AFDN: variants seen among roughly 807,000 people sequenced by gnomAD.
The protein encoded by AFDN is afadin.
AFDN carries 68 observed loss-of-function variants against 216.6 expected under a neutral mutation model. That is an observed-to-expected ratio of 0.31 (90% CI 0.26 to 0.38). The LOEUF (loss-of-function observed/expected upper bound fraction) is 0.38, where lower values mean the gene tolerates loss of function less well. Ranked by LOEUF, AFDN falls within the 10% of genes least tolerant of loss-of-function variation. The probability of loss-of-function intolerance (pLI) is 1.00; values close to 1 mark genes in which losing one functional copy is unlikely to be tolerated. For synonymous variants in AFDN, 868 were observed against 853.7 expected, an observed-to-expected ratio of 1.02 and a Z score of -0.29; for missense variants, 2,136 against 2,342.0, an observed-to-expected ratio of 0.91 and a Z score of 1.82.
At chr6:167,918,156 A>G (rs1243852581) in intron 20 of AFDN, among the ~76,000 whole-genome samples, 1 of 152,308 alleles carries the variant, frequency 6.6e-6, no homozygotes, top group Middle Eastern at 3.4e-3. Flanking sequence ...CATCTTTTTG[A>G]TCTGTACAGT....
rs186905026 is a variant in AFDN, at chr6:167,912,028, C to T, written c.2037+539C>T. The T allele has an allele frequency of 3.7e-3, 584 of 159,656 alleles. 6 individuals carry two copies. The highest frequency in any genetic ancestry group is 3.0e-3 in the Non-Finnish European group (219 of 72,030). 9.9% of individuals were successfully genotyped at this position (159,656 alleles called of 1,614,324 possible). A position where few individuals can be genotyped will look rare whatever the true frequency, so the allele number is the denominator to read the frequency against. ...CTTGCTCCTGTGTAATGAGCCTAGA[C>T]GTTGGTAGTAATTGGGCTTTTTGAT... is the stretch of plus-strand genomic sequence containing the variant. On this transcript the variant is annotated intron_variant, in intron 15 of 33. Coordinates refer to ENST00000683244, the MANE Select transcript of AFDN (RefSeq NM_001386888.1).
rs137895559 is a variant in AFDN, at chr6:167,919,041, G to A, written c.2908+108G>A. ...TCCACTTGTGTGGGAGTGCACCCTC[G>A]TGCTGTCTGGAGAAGTCCGTGTTCC... On this transcript the variant is annotated intron_variant, in intron 21 of 33. Coordinates refer to ENST00000683244, the MANE Select transcript of AFDN (RefSeq NM_001386888.1). The A allele has an allele frequency of 6.3e-4, 582 of 918,050 alleles. 6 individuals carry two copies. The African/African-American group carries it at 7.4e-3, about 12-fold the overall frequency. 56.9% of individuals were successfully genotyped at this position (918,050 alleles called of 1,614,324 possible). A position where few individuals can be genotyped will look rare whatever the true frequency, so the allele number is the denominator to read the frequency against.
At chr6:167,859,917 C>T (rs1408697802) in intron 1 of AFDN, among the ~76,000 whole-genome samples, 1 of 151,628 alleles carries the variant, frequency 6.6e-6, no homozygotes, top group Non-Finnish European at 1.5e-5. Context: ...AAGTGTGTAT[C>T]AAGGTAAATG....
Position 167,918,868 on chromosome 6 carries a change from C to G in AFDN, c.2843C>G (p.Ser948Cys). 2 of 1,613,700 alleles carry G rather than the reference C, an allele frequency of 1.2e-6. No individual in the cohort carries two copies. The highest frequency in any genetic ancestry group is 4.5e-5 in the East Asian group (2 of 44,884). Residue 948 changes from serine (S) to cysteine (C), a missense_variant, in exon 21 of 34, where the codon TCT (serine) becomes TGT (cysteine). By Grantham distance (112) the Ser-to-Cys change is moderately radical (BLOSUM62 -1). Around this residue, in one of 8 missense-constraint regions of AFDN, gnomAD observed 162 missense variants for 182.6 expected, o/e 0.89. Coordinates refer to ENST00000683244, the MANE Select transcript of AFDN (RefSeq NM_001386888.1). ...LPFLLPEDGY[S>C]CDVVRNIPNG... The stretch of plus-strand genomic sequence containing the variant: ...TTTCTTTTGCCAGAAGATGGTTATT[C>G]TTGTGATGTTGTCAGAAACATTCCA...
intron 21 of AFDN, among the ~76,000 whole-genome samples, chr6:167,922,106 A>G (rs1309305240): frequency 1.3e-5 from 2 of 152,228 alleles, no homozygotes; most frequent in Non-Finnish European, 2.9e-5. Flanking sequence ...CAGTAGAGAA[A>G]ATGTACCGAG....
intron 23 of AFDN, among the ~76,000 whole-genome samples, chr6:167,929,533 G>A (rs1793013532): frequency 6.6e-6 from 1 of 152,222 alleles, no homozygotes; most frequent in African/African-American, 2.4e-5. Context: ...CACTCACACA[G>A]CAAGTCTTCC....
In AFDN at chr6:167,947,959, T is replaced by C. The variant is rs1448618022; in HGVS notation, c.3645+15T>C. On this transcript the variant is annotated intron_variant, in intron 28 of 33. Transcript: ENST00000683244. ...TCTGCACTGAGGTCTGATTGATTGA[T>C]AAGCAAAAGGCTTCTACTGCATTTC... 5 of 1,582,030 alleles carry C rather than the reference T, an allele frequency of 3.2e-6. No individual in the cohort carries two copies. The highest frequency in any genetic ancestry group is 4.3e-6 in the Non-Finnish European group (5 of 1,151,400).
chr6:167,856,903 C>T (rs995159408), intron 1 of AFDN, among the ~76,000 whole-genome samples: 1 of 152,004 alleles, frequency 6.6e-6, no homozygotes, highest in Non-Finnish European at 1.5e-5. Context: ...AGCTTTTGTA[C>T]ATATTTATAA....
At chr6:167,883,289 A>G (rs1666123573) in intron 6 of AFDN, among the ~76,000 whole-genome samples, 2 of 152,204 alleles carry the variant, frequency 1.3e-5, no homozygotes, top group Admixed American at 1.3e-4. Flanking sequence ...ATTGTTTAGA[A>G]ATATGGTGGT....
At chr6:167,845,684 T>C (rs1202072270) in intron 1 of AFDN, among the ~76,000 whole-genome samples, 2 of 152,218 alleles carry the variant, frequency 1.3e-5, no homozygotes, top group Non-Finnish European at 2.9e-5. Flanking sequence ...CCTAAATGAA[T>C]ATTTCTTAAT....
At chr6:167,963,383 A>G in intron 31 of AFDN, 1 of 1,057,196 alleles carries the variant, frequency 9.5e-7, no homozygotes, top group East Asian at 5.3e-5. Context: ...CTATGAAGGT[A>G]GAAGCTTTCA....
At chr6:167,926,889 A>T (rs184836985) in intron 23 of AFDN, among the ~76,000 whole-genome samples, 4 of 152,334 alleles carry the variant, frequency 2.6e-5, no homozygotes, top group Non-Finnish European at 5.9e-5. Flanking sequence ...AGTCCCCAGC[A>T]TATAGTAGGC....
intron 1 of AFDN, among the ~76,000 whole-genome samples, chr6:167,833,436 GT>G (rs1235960262): frequency 2.6e-5 from 4 of 152,168 alleles, no homozygotes; most frequent in African/African-American, 7.2e-5. Context: ...GCAGTGGGCT[GT>G]TCTATTCAGA....
intron 3 of AFDN, among the ~76,000 whole-genome samples, chr6:167,871,110 C>CCCCCG (rs1460537332): frequency 6.9e-6 from 1 of 145,976 alleles, no homozygotes; most frequent in Non-Finnish European, 1.5e-5. Flanking sequence ...ATTTCATTCC[C>CCCCCG]CCCCGCCCCG....
At position 167,962,499 on chromosome 6, in the gene AFDN, C is replaced by T. The variant is rs765916256; in HGVS notation, c.4900C>T (p.Arg1634Ter). Reference sequence around the variant, plus strand: ...GATGCGCAAGCGGGAAGCGGAAGACCGAGCGAGGCAAGAGGAAGAGCGCCG... The same window carrying T: ...GATGCGCAAGCGGGAAGCGGAAGACTGAGCGAGGCAAGAGGAAGAGCGCCG... ...EEMRKREAED[R>*]ARQEEERRRQ... Residue 1634 changes from arginine (R) to a stop codon, truncating the protein, a stop_gained, in exon 31 of 34, where the codon CGA becomes TGA. Transcript: ENST00000683244. LOFTEE classifies it high-confidence loss of function. The surrounding 1 kb of genome is among the most constrained non-coding windows in gnomAD (Gnocchi z 5.2). 3.1e-6 allele frequency: 5 copies of T among 1,613,648 alleles called. No individual in the cohort carries two copies. The highest frequency in any genetic ancestry group is 3.4e-6 in the Non-Finnish European group (4 of 1,179,706).
chr6:167,914,575 A>T, intron 17 of AFDN, 69 bp from the exon 18 acceptor site: 1 of 1,165,920 alleles, frequency 8.6e-7, no homozygotes, highest in Non-Finnish European at 1.3e-6. Flanking sequence ...ATTGTTTCCC[A>T]TGTGATAACA....
At chr6:167,832,989 T>TG (rs1036019706) in intron 1 of AFDN, among the ~76,000 whole-genome samples, 1 of 152,214 alleles carries the variant, frequency 6.6e-6, no homozygotes, top group Non-Finnish European at 1.5e-5. Context: ...AGCCATAAAC[T>TG]GGAGTTGTCT....
intron 21 of AFDN, 115 bp from the exon 22 acceptor site, chr6:167,922,741 G>A (rs1280623825): frequency 1.5e-6 from 1 of 656,442 alleles, no homozygotes; most frequent in African/African-American, 1.8e-5. Flanking sequence ...TAAAGGTGTA[G>A]AGTAAGAAGA....
chr6:167,944,176 A>C, intron 26 of AFDN, 117 bp downstream of exon 26: 1 of 779,646 alleles, frequency 1.3e-6, no homozygotes, highest in Non-Finnish European at 2.1e-6. Flanking sequence ...AGAGAAAGAA[A>C]TTGAGGATGA....
Sources: allele counts gnomAD v4.1 joint callset (sites outside exome capture counted in the v4.1 genomes callset), GRCh38; gene constraint gnomAD v4.1.1; regional missense constraint gnomAD v4.1.1; non-coding constraint Gnocchi (gnomAD v3.1); transcripts MANE v1.5; gene names NCBI Gene and HGNC (gene_info 2026-07-23, HGNC 2026-07-21).